STXBP2: variants seen among roughly 807,000 people sequenced by gnomAD.
STXBP2 encodes syntaxin binding protein 2, also known as syntaxin-binding protein 2.
STXBP2 carries 47 observed loss-of-function variants against 72.2 expected under a neutral mutation model. The observed-to-expected ratio is 0.65, with a 90% CI of 0.51 to 0.83. The LOEUF (loss-of-function observed/expected upper bound fraction) is 0.83. STXBP2 is among the 40% of genes least tolerant of loss of function. The pLI is 0.00. For missense variants in STXBP2, 702 were observed against 807.6 expected (o/e 0.87, Z 1.58); for synonymous variants, 367 against 338.7 (o/e 1.08, Z -0.92).
In STXBP2 at chr19:7,647,199, C is replaced by A. The variant is rs749174262; in HGVS notation, c.1490C>A (p.Pro497His). Residue 497 changes from proline (P) to histidine (H), a missense_variant, in exon 17 of 19, where the codon CCC (proline) becomes CAC (histidine). Pro to His is a moderately conservative substitution (Grantham distance 77, BLOSUM62 -2). Transcript: ENST00000221283. ...VEDRLDRNLWPFVSDPAPTAS... is the reference protein window; with the variant it reads ...VEDRLDRNLWHFVSDPAPTAS... ...GACCGGCTGGACAGGAACCTGTGGC[C>A]CTTCGTATCCGACCCCGCCCCCACG... The A allele has an allele frequency of 6.2e-7, 1 of 1,612,050 alleles. No homozygotes were observed. Among genetic ancestry groups the A allele is most frequent in the Admixed American group, 1.7e-5 (1 of 60,020 alleles).
the STXBP2 span, chr19:7,631,537 A>C: frequency 6.5e-7 from 1 of 1,535,852 alleles, no homozygotes; most frequent in Non-Finnish European, 8.7e-7. Context: ...CTCCTTCGCG[A>C]CGCCCAGCAG....
intron 6 of STXBP2, 66 bp from the exon 7 acceptor site, chr19:7,641,639 G>C: frequency 6.5e-7 from 1 of 1,547,352 alleles, no homozygotes; most frequent in Admixed American, 2.0e-5. Context: ...GGTGGCGGCA[G>C]CGGGAAGCGG....
At chr19:7,631,650 T>G in the STXBP2 span, 1 of 1,451,338 alleles carries the variant, frequency 6.9e-7, no homozygotes, top group South Asian at 1.5e-5. Context: ...CTTTTATCAG[T>G]TTTTGGGGGC....
At chr19:7,630,533 C>G in the STXBP2 span, 1 of 1,467,756 alleles carries the variant, frequency 6.8e-7, no homozygotes. Flanking sequence ...CTGCACATTG[C>G]TTGGGGGGAG....
At chr19:7,640,534 G>A (rs1247510101) in intron 4 of STXBP2, 197 bp from the exon 5 acceptor site, 3 of 704,468 alleles carry the variant, frequency 4.3e-6, no homozygotes, top group Non-Finnish European at 7.7e-6. Flanking sequence ...GCGTGTGTAT[G>A]TGTGTGTGCG....
At chr19:7,630,475 G>A in the STXBP2 span, 1 of 960,154 alleles carries the variant, frequency 1.0e-6, no homozygotes, top group Non-Finnish European at 1.6e-6. Flanking sequence ...GTAACGAGGC[G>A]CTTCTGGACT....
At chr19:7,637,313 T>G in intron 1 of STXBP2, 127 bp downstream of exon 1, 1 of 588,306 alleles carries the variant, frequency 1.7e-6, no homozygotes, top group Non-Finnish European at 2.2e-6. Flanking sequence ...TCCGAGCACC[T>G]GACCCTCGAG....
chr19:7,631,684 G>A, the STXBP2 span: 1 of 1,459,368 alleles, frequency 6.9e-7, no homozygotes, highest in South Asian at 1.5e-5. Flanking sequence ...GGATGCCTCA[G>A]GCCCTCAGGG....
chr19:7,631,737 G>A, the STXBP2 span: 8 of 1,447,818 alleles, frequency 5.5e-6, no homozygotes, highest in East Asian at 2.6e-5. Context: ...GACGGAAGCC[G>A]AGAGCGGTCG....
upstream of STXBP2, chr19:7,633,397 G>C: frequency 4.5e-6 from 7 of 1,565,984 alleles, no homozygotes; most frequent in Non-Finnish European, 6.1e-6. Context: ...TGGGGGCAGG[G>C]CCCTCTCACC....
rs114574305 is a variant in STXBP2 at position 7,644,568 on chromosome 19, T to C, written c.1108-46T>C. ...CCTTGGCCCGCCTCTCCCATCCCCT[T>C]CCCTGACACATAGCGGCCGGTGGAC... On this transcript the variant is annotated intron_variant, in intron 13 of 18. Transcript: ENST00000221283. 1,284 of 1,605,494 alleles carry C rather than the reference T, an allele frequency of 8.0e-4. 6 individuals carry two copies. The African/African-American group carries it at 0.013, about 16-fold the overall frequency.
chr19:7,631,793 G>A, the STXBP2 span: 11 of 1,421,762 alleles, frequency 7.7e-6, no homozygotes, highest in East Asian at 5.2e-5. Flanking sequence ...GTCCCAGCTC[G>A]TTTCTGTGCT....
At chr19:7,645,505 A>G (rs761154437) in intron 15 of STXBP2, 199 bp downstream of exon 15, 45 of 583,194 alleles carry the variant, frequency 7.7e-5, no homozygotes, top group Middle Eastern at 9.2e-4. Flanking sequence ...CAGCTTACAC[A>G]ATAGGCAGGG....
At chr19:7,643,993 G>A (rs2032016132) in intron 13 of STXBP2, among the ~76,000 whole-genome samples, 1 of 149,060 alleles carries the variant, frequency 6.7e-6, no homozygotes, top group Admixed American at 6.7e-5. Context: ...GGAGAGGTGG[G>A]ACCTGGGTGA....
the STXBP2 span, chr19:7,631,743 G>A: frequency 9.3e-5 from 134 of 1,446,684 alleles, no homozygotes; most frequent in Admixed American, 2.3e-4. Flanking sequence ...AGCCGAGAGC[G>A]GTCGGGTCCT....
rs2032061835 is a variant in STXBP2 at position 7,644,740 on chromosome 19, C to T, written c.1234C>T (p.Leu412Phe). 1 of 1,613,542 alleles carries T rather than the reference C, an allele frequency of 6.2e-7. No homozygotes were observed. Among genetic ancestry groups the T allele is most frequent in the Non-Finnish European group, 8.5e-7 (1 of 1,179,828 alleles). ...GATCCGGGTCCTGCTGCTCTACATC[C>T]TCCTTCGGAATGGTGGGTGGGGGCT... ...DKIRVLLLYI[L>F]LRNGVSEENL... Residue 412 changes from leucine to phenylalanine, a missense_variant, in exon 14 of 19, where the codon CTC (leucine) becomes TTC (phenylalanine). Transcript: ENST00000221283.
chr19:7,639,961 CATCTG>C, intron 4 of STXBP2, 154 bp downstream of exon 4: 1 of 829,444 alleles, frequency 1.2e-6, no homozygotes, highest in Non-Finnish European at 2.0e-6. Flanking sequence ...TGTGTGTGTG[CATCTG>C]TGTATGCATG....
At chr19:7,632,186 C>G (rs2031341620), upstream of STXBP2, 1 of 782,980 alleles carries the variant, frequency 1.3e-6, no homozygotes, top group Non-Finnish European at 2.0e-6. This position sits in a 1 kb window ranked among gnomAD's most constrained non-coding sequence, Gnocchi z 5.2. Flanking sequence ...GCCACAAGTT[C>G]CAGCCATGGG....
upstream of STXBP2, chr19:7,633,553 C>T: frequency 8.2e-7 from 1 of 1,222,970 alleles, no homozygotes; most frequent in East Asian, 2.5e-5. Flanking sequence ...TGTGGATTCC[C>T]CCCATCCCCA....
Sources: gnomAD v4.1 joint callset for allele counts (sites outside exome capture counted in the v4.1 genomes callset) on GRCh38, gnomAD v4.1.1 for gene constraint, Gnocchi (gnomAD v3.1) non-coding constraint, MANE v1.5 for transcripts, NCBI Gene and HGNC (gene_info 2026-07-23, HGNC 2026-07-21) for gene names.